The following FAM135A variants were observed in gnomAD, a reference collection of about 807,000 sequenced individuals.
FAM135A encodes protein FAM135A.
A neutral mutation model predicts 146.8 loss-of-function variants in FAM135A; 79 were observed. That is an observed-to-expected ratio of 0.54 (90% CI 0.45 to 0.65). FAM135A has a LOEUF of 0.65. Among genes scored for constraint, FAM135A ranks in the 30% least tolerant of loss-of-function variants. The pLI is 0.00. For synonymous variants in FAM135A, 562 were observed against 603.6 expected (o/e 0.93, Z 1.01); for missense variants, 1,623 against 1,758.2 (o/e 0.92, Z 1.38).
At chr6:70,526,835 G>C in intron 15 of FAM135A, 137 bp downstream of exon 15, 1 of 803,650 alleles carries the variant, frequency 1.2e-6, no homozygotes, top group Middle Eastern at 3.9e-4. Flanking sequence ...AGTGCTAAAG[G>C]ATTGAGTGTC....
chr6:70,502,633 C>A lies in FAM135A; in HGVS notation c.874-3C>A, dbSNP rs1290137004. On this transcript the variant is annotated splice_polypyrimidine_tract_variant and splice_region_variant and intron_variant, in intron 11 of 21. Coordinates refer to ENST00000418814, the MANE Select transcript of FAM135A (RefSeq NM_001162529.3). ...AGTGAAATTTTTTTTCTTTTCATTT[C>A]AGAAAATAGAGAATCCTGATGAACT... is the stretch of plus-strand genomic sequence containing the variant. The A allele has an allele frequency of 6.3e-7, 1 of 1,597,114 alleles. No homozygotes were observed. Among genetic ancestry groups the A allele is most frequent in the African/African-American group, 1.4e-5 (1 of 73,654 alleles).
At chr6:70,469,173 T>G (rs1339728840) in intron 5 of FAM135A, among the ~76,000 whole-genome samples, 1 of 152,182 alleles carries the variant, frequency 6.6e-6, no homozygotes, top group African/African-American at 2.4e-5. Flanking sequence ...GGTCGGAGAT[T>G]TTTATCTCTT....
intron 2 of FAM135A, among the ~76,000 whole-genome samples, chr6:70,426,060 G>A (rs1244321873): frequency 2.7e-5 from 4 of 150,756 alleles, no homozygotes; most frequent in Non-Finnish European, 4.4e-5. Context: ...CCGAGATTGC[G>A]CCACTGCAGT....
chr6:70,436,313 A>G (rs1773143159), intron 4 of FAM135A, among the ~76,000 whole-genome samples: 1 of 152,156 alleles, frequency 6.6e-6, no homozygotes, highest in African/African-American at 2.4e-5. Flanking sequence ...TGTCTTCAGT[A>G]AGATATAAGG....
intron 11 of FAM135A, among the ~76,000 whole-genome samples, chr6:70,502,189 T>C (rs1339846822): frequency 2.6e-5 from 4 of 152,210 alleles, no homozygotes; most frequent in Non-Finnish European, 5.9e-5. Context: ...CAATTTTTTC[T>C]AAGGAGTCAT....
chr6:70,510,806 A>T (rs1790819696), intron 12 of FAM135A, among the ~76,000 whole-genome samples: 2 of 152,062 alleles, frequency 1.3e-5, no homozygotes, highest in South Asian at 2.1e-4. Flanking sequence ...GCTGAGTCAT[A>T]TGGTAATTCT....
chr6:70,442,922 A>G (rs1224666425), intron 4 of FAM135A, among the ~76,000 whole-genome samples: 1 of 152,162 alleles, frequency 6.6e-6, no homozygotes, highest in Non-Finnish European at 1.5e-5. Flanking sequence ...CCAGTCCCCT[A>G]TTGGACATTT....
intron 16 of FAM135A, among the ~76,000 whole-genome samples, chr6:70,530,713 G>A (rs1328860264): frequency 1.1e-4 from 17 of 152,022 alleles, no homozygotes; most frequent in East Asian, 1.9e-4. Flanking sequence ...AGACTGAGCC[G>A]CTGCACTCTA....
Position 70,526,221 on chromosome 6 carries a change from A to T in FAM135A, c.3137A>T (p.Gln1046Leu). 2 of 1,613,432 alleles carry T rather than the reference A, an allele frequency of 1.2e-6. No individual in the cohort carries two copies. The highest frequency in any genetic ancestry group is 1.7e-6 in the Non-Finnish European group (2 of 1,179,620). ...QGLVENYFGSQSSTDISDTCA... is the reference protein window; with the variant it reads ...QGLVENYFGSLSSTDISDTCA... ...CTTGTGGAAAATTATTTTGGTTCTC[A>T]AAGCAGTACGGATATTTCTGACACA... Residue 1046 changes from glutamine (Q) to leucine (L), a missense_variant, in exon 15 of 22, where the codon CAA becomes CTA. Gln to Leu is a moderately radical substitution (Grantham distance 113). This residue lies in a region of FAM135A where 1,061 missense variants were observed against 1,113.8 expected (regional missense o/e 0.95). Transcript: ENST00000418814.
chr6:70,493,940 C>T (rs1307839303), intron 11 of FAM135A, among the ~76,000 whole-genome samples: 1 of 150,976 alleles, frequency 6.6e-6, no homozygotes, highest in Non-Finnish European at 1.5e-5. Flanking sequence ...GCAATCCCAG[C>T]TACTTGGGAG....
At chr6:70,511,379 A>T (rs1477924586) in intron 12 of FAM135A, among the ~76,000 whole-genome samples, 2 of 151,956 alleles carry the variant, frequency 1.3e-5, no homozygotes, top group African/African-American at 2.4e-5. Context: ...AATTTTAAAG[A>T]TATAAGGTAA....
intron 11 of FAM135A, among the ~76,000 whole-genome samples, chr6:70,491,715 G>A (rs1010347654): frequency 6.6e-6 from 1 of 151,762 alleles, no homozygotes; most frequent in African/African-American, 2.4e-5. Context: ...TTATACATAC[G>A]CAGGATACAT....
At chr6:70,548,695 TA>T (rs1799283637) in intron 20 of FAM135A, among the ~76,000 whole-genome samples, 1 of 151,608 alleles carries the variant, frequency 6.6e-6, no homozygotes, top group Non-Finnish European at 1.5e-5. Flanking sequence ...TTCTTACAAA[TA>T]TAGAAATCTT....
At chr6:70,514,902 C>T (rs933180898) in intron 12 of FAM135A, among the ~76,000 whole-genome samples, 20 of 152,122 alleles carry the variant, frequency 1.3e-4, no homozygotes, top group Non-Finnish European at 7.4e-5. Context: ...GAAATACATC[C>T]AGAACATTCT....
intron 2 of FAM135A, among the ~76,000 whole-genome samples, 152 bp downstream of exon 2, chr6:70,415,528 A>G (rs1767372143): frequency 1.3e-5 from 2 of 152,224 alleles, no homozygotes; most frequent in African/African-American, 4.8e-5. Context: ...GCAATTGTGT[A>G]TGGTAAGAGG....
Position 70,522,589 on chromosome 6 carries a change from G to A in FAM135A, c.1103+3G>A. ...GCCATTGCATACCAGGAACTTCAGTGAGTAGTATAAATTCAAAATTAAAAT... is the reference window on the plus strand; with the variant it reads ...GCCATTGCATACCAGGAACTTCAGTAAGTAGTATAAATTCAAAATTAAAAT... On this transcript the variant is annotated splice_donor_region_variant and intron_variant, in intron 13 of 21. Coordinates refer to ENST00000418814, the MANE Select transcript of FAM135A (RefSeq NM_001162529.3). 1.2e-6 allele frequency: 2 copies of A among 1,610,460 alleles called. No individual in the cohort carries two copies. Among genetic ancestry groups the A allele is most frequent in the Non-Finnish European group, 1.7e-6 (2 of 1,177,724 alleles).
rs79695456 is a variant in FAM135A at position 70,511,744 on chromosome 6, A to G, written c.1029+8953A>G. ...TTGTGTGAACATTATAGAATATACT[A>G]TAGAACATCATAGAATATACTACCC... On this transcript the variant is annotated intron_variant, in intron 12 of 21. Transcript: ENST00000418814. 1.2e-3 allele frequency among the ~76,000 whole-genome samples: 188 copies of G among 151,978 alleles called. 1 individual carries two copies. In the East Asian group the frequency reaches 0.034, roughly 28 times the overall value.
At chr6:70,476,315 G>A (rs7765110) in intron 7 of FAM135A, among the ~76,000 whole-genome samples, 1 of 151,962 alleles carries the variant, frequency 6.6e-6, no homozygotes, top group Non-Finnish European at 1.5e-5. Context: ...TTTATGCAGG[G>A]TTTTTTCCCC....
chr6:70,484,942 G>A (rs1784350814), intron 10 of FAM135A, among the ~76,000 whole-genome samples: 1 of 151,850 alleles, frequency 6.6e-6, no homozygotes. Flanking sequence ...TATTACTTTG[G>A]GCTTATAGAT....
Sources: gnomAD v4.1 joint callset for allele counts (sites outside exome capture counted in the v4.1 genomes callset) on GRCh38, gnomAD v4.1.1 for gene constraint, gnomAD v4.1.1 regional missense constraint, MANE v1.5 for transcripts, NCBI Gene and HGNC (gene_info 2026-07-23, HGNC 2026-07-21) for gene names.